UBE2V2: variants seen among roughly 807,000 people sequenced by gnomAD.
UBE2V2 encodes the protein ubiquitin conjugating enzyme E2 V2.
In UBE2V2, 9 loss-of-function variants were observed where a neutral mutation model predicts 17.2. That is an observed-to-expected ratio of 0.52 (90% CI 0.32 to 0.91). The LOEUF (loss-of-function observed/expected upper bound fraction) is 0.91, where lower values mean the gene tolerates loss of function less well. Among genes scored for constraint, UBE2V2 ranks in the 40% least tolerant of loss-of-function variants. The pLI is 0.04. For synonymous variants in UBE2V2, 61 were observed against 57.5 expected (o/e 1.06, Z -0.28); for missense variants, 133 against 182.6 (o/e 0.73, Z 1.56).
At chr8:48,034,947 C>G (rs1359726932) in intron 1 of UBE2V2, 2 of 901,026 alleles carry the variant, frequency 2.2e-6, no homozygotes, top group Non-Finnish European at 2.7e-6. Flanking sequence ...TGCAGCCTCT[C>G]CAGGTGGCCA....
intron 3 of UBE2V2, among the ~76,000 whole-genome samples, chr8:48,059,082 A>G (rs1802543811): frequency 6.6e-6 from 1 of 151,542 alleles, no homozygotes; most frequent in Non-Finnish European, 1.5e-5. Context: ...TTATATTATT[A>G]TATATTTATA....
intron 1 of UBE2V2, among the ~76,000 whole-genome samples, chr8:48,030,795 G>A (rs1343105411): frequency 6.6e-6 from 1 of 152,154 alleles, no homozygotes; most frequent in Admixed American, 6.5e-5. Context: ...GCTGAGGTGG[G>A]CGGATCACTT....
At chr8:48,012,720 GA>G (rs138582107) in intron 1 of UBE2V2, among the ~76,000 whole-genome samples, 21,856 of 148,998 alleles carry the variant, frequency 0.15, 2,519 homozygotes, top group African/African-American at 0.3. Flanking sequence ...CTCCATCTCA[GA>G]AAAAAAAAGA....
chr8:48,011,378 A>G (rs1475984196), intron 1 of UBE2V2, among the ~76,000 whole-genome samples: 2 of 152,120 alleles, frequency 1.3e-5, no homozygotes, highest in Non-Finnish European at 2.9e-5. Flanking sequence ...GGGTTTCACC[A>G]TGTTGGCCAG....
chr8:48,014,789 G>A (rs948657096), intron 1 of UBE2V2, among the ~76,000 whole-genome samples: 20 of 151,544 alleles, frequency 1.3e-4, no homozygotes, highest in African/African-American at 4.6e-4. Context: ...GGTGGCTCAC[G>A]CCCGTAATCC....
chr8:48,028,395 A>G (rs909025173), intron 1 of UBE2V2, among the ~76,000 whole-genome samples: 1 of 149,264 alleles, frequency 6.7e-6, no homozygotes, highest in African/African-American at 2.5e-5. Flanking sequence ...CTGGAGTGCA[A>G]TGGCGCAATC....
rs746968265 is a variant in UBE2V2, at chr8:48,020,904, A to ATT, written c.16+12449_16+12450dup. ...AGGCATGTGCCACGATGCCCAGCTA[A>ATT]TTTTTTTTTTTTTTTTAATTTTTGT... On this transcript the variant is annotated intron_variant, in intron 1 of 3. Coordinates refer to ENST00000523111, the MANE Select transcript of UBE2V2 (RefSeq NM_003350.3). 9.8e-3 allele frequency among the ~76,000 whole-genome samples: 1,383 copies of ATT among 141,822 alleles called. 33 individuals are homozygous for ATT. Among genetic ancestry groups the ATT allele is most frequent in the Admixed American group, 8.8e-3 (123 of 14,054 alleles). 93.0% of individuals were successfully genotyped at this position (141,822 alleles called of 152,430 possible). A position where few individuals can be genotyped will look rare whatever the true frequency, so the allele number is the denominator to read the frequency against.
chr8:48,023,363 G>A (rs988203121), intron 1 of UBE2V2, among the ~76,000 whole-genome samples: 1 of 151,696 alleles, frequency 6.6e-6, no homozygotes, highest in Non-Finnish European at 1.5e-5. Context: ...CTACACGCAC[G>A]CACCACCACG....
At chr8:48,051,461 C>G (rs1031594410) in intron 3 of UBE2V2, among the ~76,000 whole-genome samples, 5 of 152,094 alleles carry the variant, frequency 3.3e-5, no homozygotes, top group African/African-American at 1.2e-4. Context: ...CATATGTACA[C>G]AAATTCATCC....
intron 1 of UBE2V2, among the ~76,000 whole-genome samples, chr8:48,039,352 C>T (rs1477030322): frequency 6.6e-6 from 1 of 152,104 alleles, no homozygotes; most frequent in Non-Finnish European, 1.5e-5. Flanking sequence ...ACACGTTTGC[C>T]CAGATCAAGA....
At chr8:48,004,832 T>G (rs891353085), upstream of UBE2V2, among the ~76,000 whole-genome samples, 3 of 151,784 alleles carry the variant, frequency 2.0e-5, no homozygotes. Flanking sequence ...CCTGGCCCCC[T>G]GCATTTTTTT....
chr8:48,055,843 C>A (rs1270292780), intron 3 of UBE2V2, among the ~76,000 whole-genome samples: 2 of 150,508 alleles, frequency 1.3e-5, no homozygotes, highest in African/African-American at 4.9e-5. Context: ...ACTGCAAGCT[C>A]TGCCTCCTGG....
Position 48,060,851 on chromosome 8 carries a change from C to T in UBE2V2, c.*23C>T, listed in dbSNP as rs890290668. The T allele has an allele frequency of 2.0e-6, 3 of 1,484,554 alleles. No homozygotes were observed. Among genetic ancestry groups the T allele is most frequent in the Middle Eastern group, 5.0e-4 (2 of 3,968 alleles). 92.0% of individuals were successfully genotyped at this position (1,484,554 alleles called of 1,614,324 possible). ...TAATTTTAGTGGATCTCAAACTTGT[C>T]TTAAATCAACAACCTTCTACTCATG... On this transcript the variant is annotated 3_prime_UTR_variant, in exon 4 of 4. Transcript: ENST00000523111.
chr8:48,040,191 C>G (rs1012628529), intron 1 of UBE2V2, among the ~76,000 whole-genome samples: 3 of 151,984 alleles, frequency 2.0e-5, no homozygotes, highest in Non-Finnish European at 4.4e-5. Context: ...TCTCTTCCCC[C>G]CTCCCTTCAC....
chr8:48,040,028 C>T (rs1166371628), intron 1 of UBE2V2, among the ~76,000 whole-genome samples: 1 of 151,292 alleles, frequency 6.6e-6, no homozygotes, highest in Admixed American at 6.6e-5. Context: ...CCACCATGCC[C>T]AGCCTTTTCT....
At chr8:48,039,515 T>C (rs2091447431) in intron 1 of UBE2V2, among the ~76,000 whole-genome samples, 1 of 152,218 alleles carries the variant, frequency 6.6e-6, no homozygotes, top group Non-Finnish European at 1.5e-5. Flanking sequence ...TCTCTAGGGT[T>C]TTCTTTTCCT....
chr8:48,021,824 A>G (rs2091307558), intron 1 of UBE2V2, among the ~76,000 whole-genome samples: 1 of 148,662 alleles, frequency 6.7e-6, no homozygotes, highest in Non-Finnish European at 1.5e-5. Context: ...AGTAGCTGCC[A>G]TTACAGGTAT....
chr8:48,014,663 AATG>A (rs2091256208), intron 1 of UBE2V2, among the ~76,000 whole-genome samples: 1 of 150,982 alleles, frequency 6.6e-6, no homozygotes, highest in African/African-American at 2.4e-5. Flanking sequence ...AAAAAAAAAA[AATG>A]TGCAGGAAAA....
chr8:48,031,476 G>T (rs994854748), intron 1 of UBE2V2, among the ~76,000 whole-genome samples: 11 of 152,066 alleles, frequency 7.2e-5, no homozygotes, highest in Non-Finnish European at 1.6e-4. Context: ...GTGGCTGGGG[G>T]TAGGGTGGTT....
Sources: allele counts gnomAD v4.1 joint callset (sites outside exome capture counted in the v4.1 genomes callset), GRCh38; gene constraint gnomAD v4.1.1; transcripts MANE v1.5; gene names NCBI Gene and HGNC (gene_info 2026-07-23, HGNC 2026-07-21).